Variants in DPYD observed in about 807,000 individuals in gnomAD.
DPYD encodes the protein dihydropyrimidine dehydrogenase [NADP(+)].
DPYD carries 109 observed loss-of-function variants against 116.2 expected under a neutral mutation model. The ratio of observed to expected loss-of-function variants is 0.94; its 90% CI spans 0.80 to 1.10. The LOEUF (loss-of-function observed/expected upper bound fraction) is 1.10, where lower values mean the gene tolerates loss of function less well. DPYD is among the 50% of genes least tolerant of loss of function. The probability of loss-of-function intolerance (pLI) is 0.00; values close to 1 mark genes in which losing one functional copy is unlikely to be tolerated. For synonymous variants in DPYD, 440 were observed against 432.0 expected, an observed-to-expected ratio of 1.02 and a Z score of -0.23; for missense variants, 1,302 against 1,254.5, an observed-to-expected ratio of 1.04 and a Z score of -0.57.
At chr1:97,133,998 CAAAAAAAA>C (rs1208967697) in intron 20 of DPYD, among the ~76,000 whole-genome samples, 2 of 17,244 alleles carry the variant, frequency 1.2e-4, no homozygotes, top group Non-Finnish European at 1.9e-4. Flanking sequence ...GACTCTGTTT[CAAAAAAAA>C]AAAAAAAAAT....
intron 4 of DPYD, among the ~76,000 whole-genome samples, chr1:97,722,089 C>T (rs1318608850): frequency 6.6e-6 from 1 of 151,490 alleles, no homozygotes; most frequent in Non-Finnish European, 1.5e-5. Context: ...CTCAGGTTAT[C>T]CTCCATTTAA....
At chr1:97,334,499 T>A (rs1669185754) in intron 16 of DPYD, among the ~76,000 whole-genome samples, 1 of 152,168 alleles carries the variant, frequency 6.6e-6, no homozygotes, top group African/African-American at 2.4e-5. Context: ...AATTACGGGA[T>A]TTGTAACATG....
intron 12 of DPYD, among the ~76,000 whole-genome samples, chr1:97,518,856 T>C (rs1011350039): frequency 6.6e-6 from 1 of 152,060 alleles, no homozygotes; most frequent in African/African-American, 2.4e-5. Context: ...GAGGGTTTAT[T>C]ATGTACAAAG....
At chr1:97,764,872 T>C (rs767678977) in intron 3 of DPYD, among the ~76,000 whole-genome samples, 6 of 152,188 alleles carry the variant, frequency 3.9e-5, no homozygotes, top group African/African-American at 4.8e-5. Flanking sequence ...CCCAACAATT[T>C]ATACATTCAA....
At chr1:97,242,455 T>A (rs982175774) in intron 18 of DPYD, among the ~76,000 whole-genome samples, 1 of 151,428 alleles carries the variant, frequency 6.6e-6, no homozygotes, top group Non-Finnish European at 1.5e-5. Context: ...CAAAAAAGTA[T>A]GTGATTACAT....
intron 18 of DPYD, among the ~76,000 whole-genome samples, chr1:97,267,682 AT>A (rs1664324134): frequency 6.6e-6 from 1 of 152,076 alleles, no homozygotes; most frequent in South Asian, 2.1e-4. Flanking sequence ...GCATTAATCC[AT>A]TCATGAGGGT....
At chr1:97,820,773 G>A (rs1005922895) in intron 3 of DPYD, among the ~76,000 whole-genome samples, 1 of 152,016 alleles carries the variant, frequency 6.6e-6, no homozygotes, top group Non-Finnish European at 1.5e-5. Context: ...AATAGACTTC[G>A]CTCTGCAAAT....
intron 2 of DPYD, among the ~76,000 whole-genome samples, chr1:97,868,586 ACT>A (rs1253437357): frequency 6.6e-6 from 1 of 151,732 alleles, no homozygotes; most frequent in Non-Finnish European, 1.5e-5. Context: ...AGTTCATTTA[ACT>A]CTCAAAATAA....
At chr1:97,168,998 C>T (rs548527788) in intron 20 of DPYD, among the ~76,000 whole-genome samples, 2 of 152,134 alleles carry the variant, frequency 1.3e-5, no homozygotes, top group East Asian at 1.9e-4. Context: ...AGGCACCCAC[C>T]ACCATGCCCA....
chr1:97,662,000 T>C (rs1659289015), intron 8 of DPYD, among the ~76,000 whole-genome samples: 1 of 145,472 alleles, frequency 6.9e-6, no homozygotes, highest in African/African-American at 2.5e-5. Context: ...CTTTTTTTTT[T>C]TTTTTTTTTT....
chr1:97,373,959 G>A (rs1671448595), intron 15 of DPYD, among the ~76,000 whole-genome samples: 1 of 152,178 alleles, frequency 6.6e-6, no homozygotes, highest in South Asian at 2.1e-4. Flanking sequence ...ACAGGCATGT[G>A]AACTGAAGCA....
chr1:97,098,773 A>G, intron 20 of DPYD, 141 bp from the exon 21 acceptor site: 1 of 962,022 alleles, frequency 1.0e-6, no homozygotes, highest in Admixed American at 2.2e-5. Flanking sequence ...GTCTTCACTC[A>G]TTGTTTTGGA....
rs148788337 is a variant in DPYD, at chr1:97,660,325, C to A, written c.850+18770G>T. Among the ~76,000 whole-genome samples the A allele has an allele frequency of 2.3e-3, 351 of 152,074 alleles. 1 individual carries two copies. The highest frequency in any genetic ancestry group is 7.9e-3 in the African/African-American group (329 of 41,506). On this transcript the variant is annotated intron_variant, in intron 8 of 22. Coordinates refer to ENST00000370192, the MANE Select transcript of DPYD (RefSeq NM_000110.4). ...CCATTTGATAAATAATCACTAATTTCATTGTAAAAAGTACAAAATATATTA... is the reference window on the plus strand; with the variant it reads ...CCATTTGATAAATAATCACTAATTTAATTGTAAAAAGTACAAAATATATTA...
intron 1 of DPYD, among the ~76,000 whole-genome samples, chr1:97,888,504 A>ATAT (rs1383862206): frequency 2.0e-5 from 3 of 152,008 alleles, no homozygotes; most frequent in Non-Finnish European, 4.4e-5. Flanking sequence ...AGAACAAGGT[A>ATAT]TATTACACTA....
chr1:97,536,430 G>C (rs1288861637), intron 12 of DPYD, among the ~76,000 whole-genome samples: 1 of 152,150 alleles, frequency 6.6e-6, no homozygotes, highest in Non-Finnish European at 1.5e-5. Flanking sequence ...TAAGTCTCAA[G>C]ATTTTAATAC....
At chr1:97,627,443 G>T (rs1447738476) in intron 8 of DPYD, among the ~76,000 whole-genome samples, 1 of 152,048 alleles carries the variant, frequency 6.6e-6, no homozygotes, top group Non-Finnish European at 1.5e-5. Flanking sequence ...TGCACTGAGA[G>T]CACGAGGAAG....
chr1:97,467,673 T>C (rs1018790660), intron 13 of DPYD, among the ~76,000 whole-genome samples: 1 of 152,218 alleles, frequency 6.6e-6, no homozygotes, highest in African/African-American at 2.4e-5. Context: ...AGGCTTCTGA[T>C]GTATTTACGT....
chr1:97,483,938 G>C (rs1678469554), intron 13 of DPYD, among the ~76,000 whole-genome samples: 2 of 152,128 alleles, frequency 1.3e-5, no homozygotes, highest in Non-Finnish European at 2.9e-5. Context: ...ATATTCTGTT[G>C]TAGAAGCACA....
At chr1:97,131,119 A>C (rs1440736123) in intron 20 of DPYD, among the ~76,000 whole-genome samples, 2 of 152,068 alleles carry the variant, frequency 1.3e-5, no homozygotes, top group African/African-American at 2.4e-5. Context: ...TTGGATTCCC[A>C]AAATTTCAAA....
Sources: allele counts gnomAD v4.1 joint callset (sites outside exome capture counted in the v4.1 genomes callset), GRCh38; gene constraint gnomAD v4.1.1; transcripts MANE v1.5; gene names NCBI Gene and HGNC (gene_info 2026-07-23, HGNC 2026-07-21).